MYO5A: variants seen among roughly 807,000 people sequenced by gnomAD.
MYO5A encodes myosin VA, also known as unconventional myosin-Va.
Under a neutral mutation model 249.7 loss-of-function variants are expected in MYO5A, and 98 were observed. The ratio of observed to expected loss-of-function variants is 0.39; its 90% CI spans 0.33 to 0.46. MYO5A has a LOEUF of 0.46. MYO5A is among the 20% of genes least tolerant of loss of function. The probability of loss-of-function intolerance (pLI) is 0.98; values close to 1 mark genes in which losing one functional copy is unlikely to be tolerated. For synonymous variants in MYO5A, 778 were observed against 810.6 expected (o/e 0.96, Z 0.68); for missense variants, 1,696 against 2,308.8 (o/e 0.73, Z 5.44).
chr15:52,422,101 T>A (rs1283051210), intron 4 of MYO5A, among the ~76,000 whole-genome samples: 1 of 151,698 alleles, frequency 6.6e-6, no homozygotes, highest in Non-Finnish European at 1.5e-5. Context: ...AAGAATAAAA[T>A]AAAAAAATAG....
chr15:52,409,278 C>CT, intron 6 of MYO5A, among the ~76,000 whole-genome samples: 1 of 152,100 alleles, frequency 6.6e-6, no homozygotes, highest in South Asian at 2.1e-4. Context: ...TATTTGAACT[C>CT]TAATATTTGA....
chr15:52,349,833 C>A (rs558916512), intron 28 of MYO5A, among the ~76,000 whole-genome samples: 5 of 152,012 alleles, frequency 3.3e-5, no homozygotes, highest in Non-Finnish European at 7.4e-5. Context: ...CCAAGGGAAC[C>A]AACTGTGACA....
intron 12 of MYO5A, among the ~76,000 whole-genome samples, chr15:52,391,368 C>T (rs1214657547): frequency 6.6e-6 from 1 of 152,156 alleles, no homozygotes; most frequent in Non-Finnish European, 1.5e-5. Context: ...TAGGAGGGTA[C>T]ACCTGTGCTA....
intron 4 of MYO5A, 94 bp from the exon 5 acceptor site, chr15:52,416,395 AATTAATGG>A (rs1381917960): frequency 8.0e-6 from 11 of 1,381,192 alleles, no homozygotes; most frequent in Non-Finnish European, 8.0e-6. Context: ...GTAGGGGGCT[AATTAATGG>A]ATTTTTTGGT....
intron 2 of MYO5A, among the ~76,000 whole-genome samples, chr15:52,429,698 C>CA (rs1212185836): frequency 3.6e-5 from 2 of 56,284 alleles, no homozygotes; most frequent in Admixed American, 2.0e-4. Context: ...CAAAAAAAAA[C>CA]AAAAAAACAA....
chr15:52,491,628 C>T (rs1204391547), intron 1 of MYO5A, among the ~76,000 whole-genome samples: 1 of 152,210 alleles, frequency 6.6e-6, no homozygotes, highest in East Asian at 1.9e-4. Context: ...GAAGATCTGT[C>T]TCATGCTAAC....
At chr15:52,340,424 G>C in intron 31 of MYO5A, 30 bp from the exon 32 acceptor site, 1 of 1,602,594 alleles carries the variant, frequency 6.2e-7, no homozygotes, top group Non-Finnish European at 8.5e-7. Flanking sequence ...GTCGGAAGGG[G>C]AGACGACACC....
intron 23 of MYO5A, among the ~76,000 whole-genome samples, chr15:52,366,629 C>CAAAAAAA (rs60631867): frequency 1.7e-4 from 13 of 74,552 alleles, no homozygotes; most frequent in Admixed American, 5.0e-4. Flanking sequence ...ATTGATTTAG[C>CAAAAAAA]AAAAAAAAAA....
In MYO5A at chr15:52,313,686, G is replaced by A. The variant is rs1289107015; in HGVS notation, c.*10C>T. 2 of 1,614,048 alleles carry A rather than the reference G, an allele frequency of 1.2e-6. No homozygotes were observed. Among genetic ancestry groups the A allele is most frequent in the Non-Finnish European group, 1.7e-6 (2 of 1,179,998 alleles). On this transcript the variant is annotated 3_prime_UTR_variant, in exon 42 of 42. Coordinates refer to ENST00000399233, the MANE Select transcript of MYO5A (RefSeq NM_001382347.1). The stretch of plus-strand genomic sequence containing the variant: ...GAAATGTATTGTCAATTTTTGCCTG[G>A]ACATCACTTTCAGACCCGTGAAATG...
intron 16 of MYO5A, among the ~76,000 whole-genome samples, chr15:52,381,763 GTCTCTCTC>G (rs1166176936): frequency 6.7e-6 from 1 of 150,342 alleles, no homozygotes; most frequent in Non-Finnish European, 1.5e-5. Context: ...CTCCTTTTGT[GTCTCTCTC>G]TCTCTCTCTC....
intron 1 of MYO5A, among the ~76,000 whole-genome samples, chr15:52,486,745 T>C (rs1041950852): frequency 6.6e-6 from 1 of 152,154 alleles, no homozygotes; most frequent in African/African-American, 2.4e-5. Flanking sequence ...CCTTTGTTGC[T>C]TCACTAAAGG....
chr15:52,347,345 A>G (rs538612559), intron 29 of MYO5A, among the ~76,000 whole-genome samples: 1 of 152,328 alleles, frequency 6.6e-6, no homozygotes, highest in East Asian at 1.9e-4. Context: ...AAAGCAAAAA[A>G]AGAAACCCTG....
intron 1 of MYO5A, among the ~76,000 whole-genome samples, chr15:52,458,788 CTT>C (rs1434873784): frequency 2.3e-5 from 2 of 87,208 alleles, no homozygotes; most frequent in African/African-American, 7.1e-5. Flanking sequence ...AAAAGACTAA[CTT>C]CATTTTATAA....
chr15:52,346,368 T>C lies in MYO5A; in HGVS notation c.3952A>G (p.Thr1318Ala), dbSNP rs771823878. The change falls in exon 30 of 42, where the codon ACA becomes GCA. Residue 1318 changes from threonine (T) to alanine (A), a missense_variant. Thr to Ala is a moderately conservative substitution (Grantham distance 58, BLOSUM62 0). This residue lies in a region of MYO5A where 625 missense variants were observed against 908.1 expected (regional missense o/e 0.69). Transcript: ENST00000399233. ...AAAGAAGGATCAACTTACCTATTTG[T>C]TTCTTTCAAACCAATGTATGCTTGT... The part of the protein sequence containing the change: ...IAQAYIGLKE[T>A]NRSSALDYHE... 5 of 1,582,690 alleles carry C rather than the reference T, an allele frequency of 3.2e-6. No homozygotes were observed. The highest frequency in any genetic ancestry group is 1.1e-5 in the South Asian group (1 of 90,182).
rs545225560 is a variant in MYO5A, at chr15:52,405,242, A to G, written c.1053+45T>C. The G allele has an allele frequency of 2.6e-5, 35 of 1,371,542 alleles. No homozygotes were observed. In the Admixed American group the frequency reaches 3.5e-4, roughly 14 times the overall value. 85.0% of individuals were successfully genotyped at this position (1,371,542 alleles called of 1,614,324 possible). On this transcript the variant is annotated intron_variant, in intron 9 of 41. Coordinates refer to ENST00000399233, the MANE Select transcript of MYO5A (RefSeq NM_001382347.1). ...TTCTTTAAACAATCTACAAATCTAAAACATAATTCAACTGCCATCCCACTA... is the reference window on the plus strand; with the variant it reads ...TTCTTTAAACAATCTACAAATCTAAGACATAATTCAACTGCCATCCCACTA...
intron 1 of MYO5A, among the ~76,000 whole-genome samples, chr15:52,478,116 C>G (rs892095010): frequency 6.6e-6 from 1 of 152,200 alleles, no homozygotes; most frequent in African/African-American, 2.4e-5. Context: ...CAATGGCGGG[C>G]ACCCCTCCCC....
Position 52,407,369 on chromosome 15 carries a change from T to G in MYO5A, c.869A>C (p.Gln290Pro), listed in dbSNP as rs368056746. The G allele has an allele frequency of 1.9e-6, 3 of 1,613,560 alleles. No individual in the cohort carries two copies. The South Asian group carries it at 3.3e-5, about 18-fold the overall frequency. The change falls in exon 8 of 42, where the codon CAA (glutamine) becomes CCA (proline). Residue 290 changes from glutamine (Q) to proline (P), a missense_variant. Transcript: ENST00000399233. ...GNADNFNYTK[Q>P]GGSPVIEGVD... Reference sequence around the variant, plus strand: ...TCCTTCAATCACAGGACTGCCTCCTTGTTTTGTGTAATTAAAGTTATCTGC... The same window carrying G: ...TCCTTCAATCACAGGACTGCCTCCTGGTTTTGTGTAATTAAAGTTATCTGC...
At chr15:52,458,430 A>T (rs913357925) in intron 1 of MYO5A, among the ~76,000 whole-genome samples, 3 of 152,016 alleles carry the variant, frequency 2.0e-5, no homozygotes, top group African/African-American at 7.2e-5. Flanking sequence ...AAATACAAAA[A>T]TTAGCCTGGC....
Position 52,319,167 on chromosome 15 carries a change from C to T in MYO5A, c.5127G>A (p.Leu1709=). The T allele has an allele frequency of 5.6e-6, 9 of 1,614,194 alleles. No individual in the cohort carries two copies. Among genetic ancestry groups the T allele is most frequent in the Non-Finnish European group, 7.6e-6 (9 of 1,180,036 alleles). ...ACATCTGCTTGACCACCTGCTTGAT[C>T]AGTTCAGGGTCCATGCCATGCTGAC... The part of the protein sequence containing the change: ...VMCQHGMDPE[L]IKQVVKQMFY... Residue 1709 remains leucine, a synonymous_variant, in exon 39 of 42, where the codon CTG becomes CTA. Coordinates refer to ENST00000399233, the MANE Select transcript of MYO5A (RefSeq NM_001382347.1).
Sources: allele counts gnomAD v4.1 joint callset (sites outside exome capture counted in the v4.1 genomes callset), GRCh38; gene constraint gnomAD v4.1.1; regional missense constraint gnomAD v4.1.1; transcripts MANE v1.5; gene names NCBI Gene and HGNC (gene_info 2026-07-23, HGNC 2026-07-21).